The following GALNT13 variants were observed in gnomAD, a reference collection of about 807,000 sequenced individuals.
GALNT13 encodes UDP-GalNAc:polypeptide N-acetylgalactosaminyltransferase 13.
Under a neutral mutation model 64.2 loss-of-function variants are expected in GALNT13, and 28 were observed. The ratio of observed to expected loss-of-function variants is 0.44; its 90% CI spans 0.32 to 0.60. The LOEUF (loss-of-function observed/expected upper bound fraction) is 0.60. Among genes scored for constraint, GALNT13 ranks in the 20% least tolerant of loss-of-function variants. The pLI, the probability that GALNT13 is intolerant of heterozygous loss-of-function variation, is 0.05. For synonymous variants in GALNT13, 214 were observed against 224.6 expected (o/e 0.95, Z 0.42); for missense variants, 577 against 669.8 (o/e 0.86, Z 1.53).
At chr2:153,370,062 A>G in the GALNT13 span, among the ~76,000 whole-genome samples, 505 of 152,328 alleles carry the variant, frequency 3.3e-3, 2 homozygotes, top group African/African-American at 0.012. Flanking sequence ...GAGATACTAC[A>G]AAGAATTCTA....
chr2:153,280,796 A>G, the GALNT13 span, among the ~76,000 whole-genome samples: 3 of 152,174 alleles, frequency 2.0e-5, no homozygotes, highest in Non-Finnish European at 4.4e-5. Context: ...GTGGTCACTC[A>G]TAGAGTATGT....
At chr2:153,833,849 C>T in the GALNT13 span, among the ~76,000 whole-genome samples, 5 of 152,080 alleles carry the variant, frequency 3.3e-5, no homozygotes, top group South Asian at 2.1e-4. Context: ...TATTTTGGCA[C>T]GTCTCAAAAT....
the GALNT13 span, among the ~76,000 whole-genome samples, chr2:153,392,865 G>C: frequency 1.3e-5 from 2 of 151,960 alleles, no homozygotes; most frequent in African/African-American, 4.8e-5. Context: ...GGTCAAGAAG[G>C]CAGAGCCCCC....
intron 11 of GALNT13, among the ~76,000 whole-genome samples, chr2:154,417,524 T>TA (rs1559143591): frequency 4.2e-4 from 63 of 150,174 alleles, no homozygotes; most frequent in African/African-American, 1.0e-3. Flanking sequence ...TTTATTTATT[T>TA]TTTTGAGGCG....
the GALNT13 span, among the ~76,000 whole-genome samples, chr2:153,755,373 G>A: frequency 6.6e-6 from 1 of 151,934 alleles, no homozygotes; most frequent in Non-Finnish European, 1.5e-5. Flanking sequence ...CCTATCAACT[G>A]AGTAATCAAT....
chr2:154,395,323 A>G (rs1699006338), intron 9 of GALNT13, among the ~76,000 whole-genome samples: 1 of 152,144 alleles, frequency 6.6e-6, no homozygotes, highest in African/African-American at 2.4e-5. Context: ...ATTCATTTAA[A>G]TATCAAATAT....
the GALNT13 span, among the ~76,000 whole-genome samples, chr2:153,411,181 T>TATATA: frequency 4.4e-5 from 4 of 91,364 alleles, no homozygotes; most frequent in East Asian, 6.5e-4. Flanking sequence ...ATATATATAT[T>TATATA]TTTTTTTTTT....
chr2:154,121,036 T>C (rs1301920155), intron 3 of GALNT13, among the ~76,000 whole-genome samples: 1 of 152,230 alleles, frequency 6.6e-6, no homozygotes, highest in Non-Finnish European at 1.5e-5. Context: ...GTCATTTTCT[T>C]CTTCCTTTGT....
the GALNT13 span, chr2:153,762,445 A>G: frequency 1.3e-5 from 2 of 153,052 alleles, no homozygotes; most frequent in Non-Finnish European, 2.9e-5. Context: ...TTTACCTGTT[A>G]TCTTCCTTTG....
the GALNT13 span, among the ~76,000 whole-genome samples, chr2:153,134,079 G>A: frequency 6.6e-6 from 1 of 152,094 alleles, no homozygotes; most frequent in Non-Finnish European, 1.5e-5. Context: ...TCTAATTACT[G>A]TAATGGGCAG....
the GALNT13 span, chr2:153,357,262 G>A: frequency 6.6e-6 from 1 of 152,022 alleles, no homozygotes; most frequent in Non-Finnish European, 1.5e-5. Flanking sequence ...TCAGAATTGG[G>A]AACACATTTA....
At chr2:153,117,370 T>C in the GALNT13 span, among the ~76,000 whole-genome samples, 1 of 152,208 alleles carries the variant, frequency 6.6e-6, no homozygotes, top group East Asian at 1.9e-4. Flanking sequence ...TCAAGGCTTA[T>C]ATAGTCCAGA....
At chr2:154,447,367 AT>A (rs1701645554) in intron 12 of GALNT13, among the ~76,000 whole-genome samples, 1 of 151,858 alleles carries the variant, frequency 6.6e-6, no homozygotes, top group Non-Finnish European at 1.5e-5. Context: ...GTGAAACAAT[AT>A]TTTTTTAAGT....
chr2:153,610,164 T>G, the GALNT13 span, among the ~76,000 whole-genome samples: 1 of 152,178 alleles, frequency 6.6e-6, no homozygotes, highest in African/African-American at 2.4e-5. Flanking sequence ...AGAAATTGGG[T>G]TTTTGGCATA....
the GALNT13 span, among the ~76,000 whole-genome samples, chr2:153,436,762 T>C: frequency 1.3e-5 from 2 of 152,182 alleles, no homozygotes; most frequent in South Asian, 2.1e-4. Context: ...TTTGTTGATC[T>C]TTTCAAAAAA....
chr2:153,277,317 G>A, the GALNT13 span, among the ~76,000 whole-genome samples: 2 of 152,094 alleles, frequency 1.3e-5, no homozygotes, highest in Non-Finnish European at 2.9e-5. Flanking sequence ...TTGCTTTTCA[G>A]TTCCTGTGTT....
At chr2:153,764,292 T>A in the GALNT13 span, among the ~76,000 whole-genome samples, 1 of 152,178 alleles carries the variant, frequency 6.6e-6, no homozygotes, top group South Asian at 2.1e-4. Flanking sequence ...ATCCCAGCAC[T>A]TTGGGAGGCC....
At chr2:154,064,737 A>C (rs546700097) in intron 3 of GALNT13, among the ~76,000 whole-genome samples, 2 of 152,106 alleles carry the variant, frequency 1.3e-5, no homozygotes, top group African/African-American at 2.4e-5. Context: ...GTAGCCACGT[A>C]ATACACCCAG....
At chr2:153,428,927 G>A in the GALNT13 span, among the ~76,000 whole-genome samples, 36 of 152,064 alleles carry the variant, frequency 2.4e-4, no homozygotes, top group African/African-American at 7.7e-4. Flanking sequence ...ACACTGCCTG[G>A]CCCTATCAAA....
Sources: gnomAD v4.1 joint callset for allele counts (sites outside exome capture counted in the v4.1 genomes callset) on GRCh38, gnomAD v4.1.1 for gene constraint, MANE v1.5 for transcripts, NCBI Gene and HGNC (gene_info 2026-07-23, HGNC 2026-07-21) for gene names.